TRPM5: variants seen among roughly 807,000 people sequenced by gnomAD.
TRPM5 encodes the protein MLSN1 and TRP-related.
In TRPM5, 121 loss-of-function variants were observed where a neutral mutation model predicts 124.9. The ratio of observed to expected loss-of-function variants is 0.97; its 90% CI spans 0.84 to 1.13. The LOEUF (loss-of-function observed/expected upper bound fraction) is 1.13, where lower values mean the gene tolerates loss of function less well. TRPM5 is among the 50% of genes most tolerant of loss of function. The pLI is 0.00. For synonymous variants in TRPM5, 781 were observed against 700.5 expected (o/e 1.11, Z -1.81); for missense variants, 1,643 against 1,589.1 (o/e 1.03, Z -0.58).
At chr11:2,410,680 TG>T in intron 18 of TRPM5, 1 of 454,588 alleles carries the variant, frequency 2.2e-6, no homozygotes, top group South Asian at 1.6e-5. Context: ...CCCACTGCAC[TG>T]GCTTATGAAA....
At position 2,405,529 on chromosome 11, in the gene TRPM5, CG is replaced by C; in HGVS notation, c.3388del (p.Arg1130GlyfsTer21). 1 of 1,558,484 alleles carries C rather than the reference CG, an allele frequency of 6.4e-7. No homozygotes were observed. The highest frequency in any genetic ancestry group is 8.7e-7 in the Non-Finnish European group (1 of 1,151,094). On this transcript the variant is annotated frameshift_variant, in exon 23 of 24. Coordinates refer to ENST00000155858, the Ensembl canonical transcript of TRPM5. LOFTEE classifies it low-confidence loss of function (END_TRUNC). ...CCACGCTCCCCAAACAGGCTTACTC[CG>C]GGGGCCGCCACCCTGGGCCAGCACG...
chr11:2,428,195 G>A, the TRPM5 span, among the ~76,000 whole-genome samples: 1 of 152,318 alleles, frequency 6.6e-6, no homozygotes, highest in African/African-American at 2.4e-5. The surrounding 1 kb of genome is among the most constrained non-coding windows in gnomAD (Gnocchi z 4.0). Context: ...TGGCTTCTGG[G>A]AGGTTGCAGG....
exon 7 of TRPM5, chr11:2,417,776 C>A: frequency 6.2e-7 from 1 of 1,602,458 alleles, no homozygotes; most frequent in East Asian, 2.2e-5. Flanking sequence ...CGGAGCCCTC[C>A]TGCTCGAAGT....
Position 2,417,778 on chromosome 11 carries a change from G to A in TRPM5, c.958C>T (p.Gln320Ter), listed in dbSNP as rs904473075. 1 of 1,578,862 alleles carries A rather than the reference G, an allele frequency of 6.3e-7. No homozygotes were observed. Among genetic ancestry groups the A allele is most frequent in the African/African-American group, 1.4e-5 (1 of 73,540 alleles). The change falls in exon 7 of 24, where the codon CAG (glutamine) becomes TAG (stop). Residue 320 changes from glutamine to a stop codon, truncating the protein, a stop_gained. Coordinates refer to ENST00000155858, the Ensembl canonical transcript of TRPM5. LOFTEE classifies it high-confidence loss of function. The stretch of plus-strand genomic sequence containing the variant: ...GTGTCCAGCTCCTCGGAGCCCTCCT[G>A]CTCGAAGTCATACACGGTGAGCAGG...
intron 9 of TRPM5, 27 bp from the exon 15 acceptor site, chr11:2,415,074 G>C (rs763292800): frequency 7.5e-6 from 12 of 1,591,718 alleles, no homozygotes; most frequent in Non-Finnish European, 9.4e-6. Context: ...TCGGCCTCCT[G>C]CTGCGGCCCC....
the TRPM5 span, among the ~76,000 whole-genome samples, chr11:2,435,476 T>C: frequency 1.8e-3 from 266 of 151,402 alleles, no homozygotes; most frequent in African/African-American, 6.1e-3. This position sits in a 1 kb window ranked among gnomAD's most constrained non-coding sequence, Gnocchi z 4.1. Context: ...CATTCACCCA[T>C]GCACCCATGG....
rs778772378 is a variant in TRPM5, at chr11:2,414,208, T to C, written c.1745-2A>G. 48 of 1,607,072 alleles carry C rather than the reference T, an allele frequency of 3.0e-5. No individual in the cohort carries two copies. Among genetic ancestry groups the C allele is most frequent in the Non-Finnish European group, 4.0e-5 (47 of 1,177,546 alleles). On this transcript the variant is annotated splice_acceptor_variant, in intron 11 of 23. Coordinates refer to ENST00000155858, the Ensembl canonical transcript of TRPM5. LOFTEE classifies it high-confidence loss of function. ...TGCTGTAGCACTCGGAGAAGAGGTC[T>C]GCCCCCGGAGGCCCTGGCCGCTAGG...
At chr11:2,414,679 C>A (rs539138026) in intron 11 of TRPM5, 36 bp downstream of exon 16, 2 of 1,435,814 alleles carry the variant, frequency 1.4e-6, no homozygotes, top group Non-Finnish European at 1.8e-6. Context: ...CATCCTCCCC[C>A]GCGCGCGGGC....
In TRPM5 at chr11:2,405,528, C is replaced by T. The variant is rs1486535330; in HGVS notation, c.3390G>A (p.Arg1130=). The change falls in exon 23 of 24, where the codon CGG becomes CGA. Residue 1130 remains arginine, a splice_region_variant and synonymous_variant. Coordinates refer to ENST00000155858, the Ensembl canonical transcript of TRPM5. ...CCCACGCTCCCCAAACAGGCTTACTCCGGGGGCCGCCACCCTGGGCCAGCA... is the reference window on the plus strand; with the variant it reads ...CCCACGCTCCCCAAACAGGCTTACTTCGGGGGCCGCCACCCTGGGCCAGCA... 3 of 1,558,222 alleles carry T rather than the reference C, an allele frequency of 1.9e-6. No individual in the cohort carries two copies. In the Admixed American group the frequency reaches 5.8e-5, roughly 30 times the overall value.
At position 2,413,485 on chromosome 11, in the gene TRPM5, A is replaced by AT; in HGVS notation, c.1993dup (p.Ile665AsnfsTer5). 6.2e-7 allele frequency: 1 copy of AT among 1,609,058 alleles called. No individual in the cohort carries two copies. Among genetic ancestry groups the AT allele is most frequent in the Non-Finnish European group, 8.5e-7 (1 of 1,178,466 alleles). Reference sequence around the variant, plus strand: ...CACAGGCCTCACCCACCTGAAGGTGATGAGGTTGGTATAGACGAGGGCGGG... The same window carrying AT: ...CACAGGCCTCACCCACCTGAAGGTGATTGAGGTTGGTATAGACGAGGGCGGG... On this transcript the variant is annotated frameshift_variant, in exon 13 of 24. Transcript: ENST00000155858. LOFTEE classifies it high-confidence loss of function.
At chr11:2,407,721 C>A in intron 19 of TRPM5, 38 bp downstream of exon 24, 1 of 1,608,124 alleles carries the variant, frequency 6.2e-7, no homozygotes, top group Non-Finnish European at 8.5e-7. Flanking sequence ...GCTCCCTCCG[C>A]TCCAGGGCTC....
the TRPM5 span, among the ~76,000 whole-genome samples, chr11:2,444,230 C>T: frequency 3.3e-5 from 5 of 152,308 alleles, no homozygotes; most frequent in East Asian, 9.7e-4. Flanking sequence ...GTATTCGCCG[C>T]CCGCAGCTCG....
At chr11:2,415,840 G>A in intron 8 of TRPM5, 66 bp downstream of exon 13, 3 of 1,198,778 alleles carry the variant, frequency 2.5e-6, no homozygotes, top group South Asian at 1.4e-5. Flanking sequence ...GGGTGCAGGA[G>A]CAGGCAGCGT....
intron 19 of TRPM5, 107 bp from the exon 25 acceptor site, chr11:2,407,407 G>T (rs1294974018): frequency 2.7e-6 from 3 of 1,093,966 alleles, no homozygotes; most frequent in East Asian, 2.6e-5. Flanking sequence ...TGAAACTGAG[G>T]CCCAGCACTG....
At chr11:2,438,938 C>T in the TRPM5 span, among the ~76,000 whole-genome samples, 9 of 152,234 alleles carry the variant, frequency 5.9e-5, no homozygotes, top group Admixed American at 1.3e-4. The surrounding 1 kb of genome is among the most constrained non-coding windows in gnomAD (Gnocchi z 5.9). Context: ...ATGTTCAAGG[C>T]GACTATAACC....
At chr11:2,428,341 T>A in the TRPM5 span, among the ~76,000 whole-genome samples, 2 of 152,102 alleles carry the variant, frequency 1.3e-5, no homozygotes, top group East Asian at 1.9e-4. This position sits in a 1 kb window ranked among gnomAD's most constrained non-coding sequence, Gnocchi z 4.0. Flanking sequence ...GGACTTGCTC[T>A]CTGGGACCCT....
chr11:2,425,026 C>A (rs959002922), upstream of TRPM5, among the ~76,000 whole-genome samples: 2 of 152,220 alleles, frequency 1.3e-5, no homozygotes, highest in South Asian at 2.1e-4. Context: ...AACCAGCCCG[C>A]GGACCGCAGA....
chr11:2,434,858 G>C, the TRPM5 span, among the ~76,000 whole-genome samples: 5 of 152,268 alleles, frequency 3.3e-5, no homozygotes, highest in Admixed American at 1.3e-4. Flanking sequence ...CTGAGGTTCT[G>C]GAAATGACAG....
exon 1 of TRPM5, chr11:2,422,941 C>A: frequency 6.2e-7 from 1 of 1,613,380 alleles, no homozygotes; most frequent in South Asian, 1.1e-5. Context: ...TCTTCCCAGA[C>A]CCTCCAAAGT....
Sources: allele counts gnomAD v4.1 joint callset (sites outside exome capture counted in the v4.1 genomes callset), GRCh38; gene constraint gnomAD v4.1.1; non-coding constraint Gnocchi (gnomAD v3.1); transcripts MANE v1.5; gene names NCBI Gene and HGNC (gene_info 2026-07-23, HGNC 2026-07-21).